Variants in TXNL4B observed in about 807,000 individuals in gnomAD.
TXNL4B encodes the protein thioredoxin like 4B, also known as thioredoxin-like protein 4B.
A neutral mutation model predicts 13.0 loss-of-function variants in TXNL4B; 12 were observed. The ratio of observed to expected loss-of-function variants is 0.92; its 90% CI spans 0.59 to 1.49. TXNL4B has a LOEUF of 1.49. TXNL4B is among the 40% of genes most tolerant of loss of function. The pLI, the probability that TXNL4B is intolerant of heterozygous loss-of-function variation, is 0.00. For synonymous variants in TXNL4B, 59 were observed against 58.9 expected, an observed-to-expected ratio of 1.00 and a Z score of -0.01; for missense variants, 214 against 173.6, an observed-to-expected ratio of 1.23 and a Z score of -1.31.
At chr16:72,090,543 C>A in intron 2 of TXNL4B, 75 bp downstream of exon 2, 1 of 1,486,272 alleles carries the variant, frequency 6.7e-7, no homozygotes, top group South Asian at 1.2e-5. Flanking sequence ...TACTCCCTCT[C>A]ATGTACTACT....
chr16:72,092,483 G>C (rs1406248081), intron 1 of TXNL4B, among the ~76,000 whole-genome samples: 1 of 152,120 alleles, frequency 6.6e-6, no homozygotes, highest in Non-Finnish European at 1.5e-5. Context: ...TCCAGCTATA[G>C]GTCATACTTT....
In TXNL4B at chr16:72,086,258, T is replaced by C. The variant is rs968569562; in HGVS notation, c.*379A>G. The C allele has an allele frequency of 6.1e-6, 1 of 163,776 alleles. No individual in the cohort carries two copies. Among genetic ancestry groups the C allele is most frequent in the Non-Finnish European group, 1.3e-5 (1 of 74,936 alleles). 10.1% of individuals were successfully genotyped at this position (163,776 alleles called of 1,614,324 possible). A position where few individuals can be genotyped will look rare whatever the true frequency, so the allele number is the denominator to read the frequency against. Reference sequence around the variant, plus strand: ...TAGAAAATAAGTACTTTTGCTTCTATGGGAAGTGACTTTCCAGTTCACTTG... The same window carrying C: ...TAGAAAATAAGTACTTTTGCTTCTACGGGAAGTGACTTTCCAGTTCACTTG... On this transcript the variant is annotated 3_prime_UTR_variant, in exon 4 of 4. Coordinates refer to ENST00000268483, the MANE Select transcript of TXNL4B (RefSeq NM_017853.3).
rs530218807 is a variant in TXNL4B at position 72,088,220 on chromosome 16, T to TCC, written c.284+765_284+766dup. Among the ~76,000 whole-genome samples, 95 of 152,370 alleles carry TCC rather than the reference T, an allele frequency of 6.2e-4. No homozygotes were observed. In the Middle Eastern group the frequency reaches 0.014, roughly 22 times the overall value. Reference sequence around the variant, plus strand: ...CTCAAATGATCCGCCTGCCTTGGCCTCCCAAAGTGCTGGGATTACAGGCGT... The same window carrying TCC: ...CTCAAATGATCCGCCTGCCTTGGCCTCCCCCAAAGTGCTGGGATTACAGGCGT... On this transcript the variant is annotated intron_variant, in intron 3 of 3. Transcript: ENST00000268483.
In TXNL4B at chr16:72,085,986, A is replaced by G. The variant is rs1424195369; in HGVS notation, c.*651T>C. 6.6e-6 allele frequency: 1 copy of G among 151,318 alleles called. No individual in the cohort carries two copies. The highest frequency in any genetic ancestry group is 1.9e-4 in the East Asian group (1 of 5,170). The allele number at this position is 151,318 out of a possible 1,614,324, so 9.4% of individuals were successfully genotyped here. ...CCACTGCACTCCAGCCTGGGTGACA[A>G]GAGTGACTCGGTCTCAAAAAAAAAA... On this transcript the variant is annotated 3_prime_UTR_variant, in exon 4 of 4. Transcript: ENST00000268483.
chr16:72,092,512 C>T (rs935147086), intron 1 of TXNL4B, among the ~76,000 whole-genome samples: 2 of 152,094 alleles, frequency 1.3e-5, no homozygotes, highest in Non-Finnish European at 2.9e-5. Context: ...ACATTGATGG[C>T]CCAAAGGGAC....
rs188226563 is a variant in TXNL4B at position 72,089,771 on chromosome 16, A to C, written c.133-633T>G. Among the ~76,000 whole-genome samples the C allele has an allele frequency of 2.9e-3, 442 of 152,330 alleles. 2 individuals are homozygous for C. Among genetic ancestry groups the C allele is most frequent in the Non-Finnish European group, 9.7e-4 (66 of 68,034 alleles). ...ACATTACTATGTGGTAACTGTCCTA[A>C]GTGCTTAACATTTGTTAACTCATTT... On this transcript the variant is annotated intron_variant, in intron 2 of 3. Coordinates refer to ENST00000268483, the MANE Select transcript of TXNL4B (RefSeq NM_017853.3).
At chr16:72,087,834 T>C (rs1156899659) in intron 3 of TXNL4B, among the ~76,000 whole-genome samples, 1 of 151,902 alleles carries the variant, frequency 6.6e-6, no homozygotes, top group Non-Finnish European at 1.5e-5. Flanking sequence ...CTGGCTAATC[T>C]TTTTTTTGAG....
chr16:72,091,072 T>TC (rs2041897507), intron 1 of TXNL4B, among the ~76,000 whole-genome samples: 4 of 152,152 alleles, frequency 2.6e-5, no homozygotes, highest in African/African-American at 2.4e-5. Context: ...ATATTTTTTT[T>TC]CTCTCTCTCC....
chr16:72,090,630 C>A lies in TXNL4B; in HGVS notation c.120G>T (p.Gln40His), dbSNP rs760022686. The A allele has an allele frequency of 2.5e-6, 4 of 1,613,956 alleles. No individual in the cohort carries two copies. Among genetic ancestry groups the A allele is most frequent in the Non-Finnish European group, 3.4e-6 (4 of 1,179,958 alleles). Residue 40 changes from glutamine (Q) to histidine (H), a missense_variant, in exon 2 of 4, where the codon CAG (glutamine) becomes CAT (histidine). By Grantham distance (24) the Gln-to-His change is conservative (BLOSUM62 0). Transcript: ENST00000268483. ...GACATTCACTTACAATATCATCTAG[C>A]TGCAGACAGACAGGATCTTCATCTC... ...FGRDEDPVCLQLDDILSKTSS... is the reference protein window; with the variant it reads ...FGRDEDPVCLHLDDILSKTSS...
At chr16:72,090,328 A>G (rs2041886053) in intron 2 of TXNL4B, among the ~76,000 whole-genome samples, 1 of 152,046 alleles carries the variant, frequency 6.6e-6, no homozygotes, top group Non-Finnish European at 1.5e-5. Flanking sequence ...TATTGCGAGC[A>G]CTGAAAAGAT....
chr16:72,090,021 TCCCCAAGCTAA>T, intron 2 of TXNL4B: 1 of 448,144 alleles, frequency 2.2e-6, no homozygotes, highest in Admixed American at 2.4e-5. Flanking sequence ...GGTCCTTTTT[TCCCCAAGCTAA>T]CACATCACAC....
rs1001666423 is a variant in TXNL4B, at chr16:72,085,416, A to G, written c.*1221T>C. 5.9e-6 allele frequency: 1 copy of G among 170,226 alleles called. No homozygotes were observed. The highest frequency in any genetic ancestry group is 1.2e-5 in the Non-Finnish European group (1 of 80,432). 10.5% of individuals were successfully genotyped at this position (170,226 alleles called of 1,614,324 possible). On this transcript the variant is annotated 3_prime_UTR_variant, in exon 4 of 4. Coordinates refer to ENST00000268483, the MANE Select transcript of TXNL4B (RefSeq NM_017853.3). ...TGTTTCAATAACCACCACGAGGTTT[A>G]AAGAGGAGCAGTAACTTGCCCACGG...
rs945400137 is a variant in TXNL4B at position 72,086,855 on chromosome 16, G to C, written c.285-53C>G. 14 of 1,377,012 alleles carry C rather than the reference G, an allele frequency of 1.0e-5. No homozygotes were observed. The Admixed American group carries it at 2.7e-4, about 26-fold the overall frequency. The allele number at this position is 1,377,012 out of a possible 1,614,324, so 85.3% of individuals were successfully genotyped here. A position where few individuals can be genotyped will look rare whatever the true frequency, so the allele number is the denominator to read the frequency against. ...CTCTAAGAACTTTGAGTAATCACTT[G>C]TTGAAGACTTTCAGGATAAACAAAA... On this transcript the variant is annotated intron_variant, in intron 3 of 3. Transcript: ENST00000268483.
At chr16:72,089,242 T>C (rs114189820) in intron 2 of TXNL4B, 104 bp from the exon 3 acceptor site, 1 of 1,002,450 alleles carries the variant, frequency 1.0e-6, no homozygotes, top group African/African-American at 1.6e-5. Flanking sequence ...AAAAAACTCC[T>C]GGGCCAACAA....
intron 3 of TXNL4B, among the ~76,000 whole-genome samples, chr16:72,087,046 T>C (rs1313196240): frequency 2.6e-5 from 4 of 152,322 alleles, no homozygotes; most frequent in Middle Eastern, 3.4e-3. Flanking sequence ...TCAAAAGCTA[T>C]TGTAATCACA....
At position 72,093,614 on chromosome 16, in the gene TXNL4B, A is replaced by G. The variant is rs1323073841; in HGVS notation, c.-285T>C. ...CGGTCGGCCCCCGCTCAACAGCCCA[A>G]TAAACGGAAGAGCTTCTAGTCACCG... On this transcript the variant is annotated 5_prime_UTR_variant, in exon 1 of 4. Transcript: ENST00000268483. 2 of 152,230 alleles carry G rather than the reference A, an allele frequency of 1.3e-5. No individual in the cohort carries two copies. The highest frequency in any genetic ancestry group is 4.8e-5 in the African/African-American group (2 of 41,420). The allele number at this position is 152,230 out of a possible 1,614,324, so 9.4% of individuals were successfully genotyped here.
Position 72,085,900 on chromosome 16 carries a change from G to A in TXNL4B, c.*737C>T, listed in dbSNP as rs566690902. ...CGCCTGTAGTCCCAGCTACTCAGGA[G>A]GCTGAAGCAGGAAAATGGCATGAAC... On this transcript the variant is annotated 3_prime_UTR_variant, in exon 4 of 4. Transcript: ENST00000268483. The A allele has an allele frequency of 3.9e-5, 6 of 152,012 alleles. No individual in the cohort carries two copies. Among genetic ancestry groups the A allele is most frequent in the Admixed American group, 2.6e-4 (4 of 15,270 alleles). The allele number at this position is 152,012 out of a possible 1,614,324, so 9.4% of individuals were successfully genotyped here. A position where few individuals can be genotyped will look rare whatever the true frequency, so the allele number is the denominator to read the frequency against.
chr16:72,091,292 T>C (rs1307533700), intron 1 of TXNL4B, among the ~76,000 whole-genome samples: 1 of 152,094 alleles, frequency 6.6e-6, no homozygotes, highest in Non-Finnish European at 1.5e-5. Flanking sequence ...GTTATAAGAA[T>C]TGTGTGGCAG....
chr16:72,088,511 G>GA (rs1228766913), intron 3 of TXNL4B, among the ~76,000 whole-genome samples: 1 of 152,224 alleles, frequency 6.6e-6, no homozygotes, highest in Non-Finnish European at 1.5e-5. Context: ...CGAAAAGCAG[G>GA]AAACTTTGCA....
Sources: gnomAD v4.1 joint callset for allele counts (sites outside exome capture counted in the v4.1 genomes callset) on GRCh38, gnomAD v4.1.1 for gene constraint, MANE v1.5 for transcripts, NCBI Gene and HGNC (gene_info 2026-07-23, HGNC 2026-07-21) for gene names.